PCDH11X: variants seen among roughly 807,000 people sequenced by gnomAD.
PCDH11X encodes the protein protocadherin-11 X-linked.
PCDH11X carries 18 observed loss-of-function variants against 53.3 expected under a neutral mutation model. The observed-to-expected ratio is 0.34, with a 90% CI of 0.23 to 0.50. PCDH11X has a LOEUF of 0.50. Among genes scored for constraint, PCDH11X ranks in the 20% least tolerant of loss-of-function variants. The pLI, the probability that PCDH11X is intolerant of heterozygous loss-of-function variation, is 0.98. For missense variants in PCDH11X, 570 were observed against 1,032.4 expected (o/e 0.55, Z 6.14); for synonymous variants, 279 against 393.3 (o/e 0.71, Z 3.44).
intron 6 of PCDH11X, among the ~76,000 whole-genome samples, chrX:91,922,506 G>A (rs1340750533): frequency 2.7e-5 from 3 of 111,872 alleles, no homozygotes; most frequent in Non-Finnish European, 5.6e-5. Flanking sequence ...CAGGAGGTCA[G>A]TGGCGGGCAA....
chrX:92,064,212 T>C (rs2063569323), intron 6 of PCDH11X, among the ~76,000 whole-genome samples: 1 of 106,272 alleles, frequency 9.4e-6, no homozygotes, highest in African/African-American at 3.4e-5. Flanking sequence ...GATGGCAGCA[T>C]GGGTGGGTCA....
chrX:92,520,856 C>T (rs2074358962), intron 10 of PCDH11X, among the ~76,000 whole-genome samples: 1 of 111,383 alleles, frequency 9.0e-6, no homozygotes, highest in African/African-American at 3.3e-5. Context: ...GTAGTAGTTT[C>T]TATGTCAAGA....
At chrX:91,914,883 G>A (rs1941500905) in intron 6 of PCDH11X, among the ~76,000 whole-genome samples, 1 of 111,378 alleles carries the variant, frequency 9.0e-6, no homozygotes. Flanking sequence ...CCAAATACAA[G>A]AAGCTCAAAG....
intron 10 of PCDH11X, among the ~76,000 whole-genome samples, chrX:92,484,183 A>ATATATATG (rs1556444294): frequency 2.4e-4 from 8 of 32,975 alleles, no homozygotes; most frequent in Non-Finnish European, 4.7e-4. Flanking sequence ...ATATGTATGT[A>ATATATATG]TATATATGTA....
At chrX:92,326,622 CTATA>C (rs1160866218) in intron 8 of PCDH11X, among the ~76,000 whole-genome samples, 6 of 45,803 alleles carry the variant, frequency 1.3e-4, no homozygotes, top group Non-Finnish European at 1.6e-4. Flanking sequence ...TTTTAATAAA[CTATA>C]TATATATATA....
At chrX:92,007,500 A>G (rs898865560) in intron 6 of PCDH11X, among the ~76,000 whole-genome samples, 3 of 111,195 alleles carry the variant, frequency 2.7e-5, no homozygotes, top group Non-Finnish European at 5.7e-5. Context: ...CTCACCCTTC[A>G]GGGCAATGGC....
intron 8 of PCDH11X, among the ~76,000 whole-genome samples, chrX:92,340,829 C>A (rs1230147193): frequency 3.6e-5 from 4 of 112,093 alleles, no homozygotes; most frequent in African/African-American, 1.3e-4. Context: ...ATACAAATCT[C>A]TCTGGCAAGT....
intron 1 of PCDH11X, among the ~76,000 whole-genome samples, chrX:91,790,215 T>G (rs1388205030): frequency 8.9e-6 from 1 of 112,616 alleles, no homozygotes; most frequent in Non-Finnish European, 1.9e-5. Flanking sequence ...CTATATTGGT[T>G]GAAACTGTAG....
chrX:91,972,897 A>G (rs928008965), intron 6 of PCDH11X, among the ~76,000 whole-genome samples: 11 of 111,256 alleles, frequency 9.9e-5, no homozygotes, highest in Non-Finnish European at 2.1e-4. Flanking sequence ...TCATGGATCT[A>G]GAACTAGAAA....
chrX:92,108,293 A>C (rs1023007703), intron 6 of PCDH11X, among the ~76,000 whole-genome samples: 6 of 112,179 alleles, frequency 5.3e-5, no homozygotes, highest in African/African-American at 1.9e-4. Flanking sequence ...TTCACTCAGG[A>C]GAATTTAACA....
chrX:92,157,001 C>A (rs1037264090), intron 6 of PCDH11X, among the ~76,000 whole-genome samples: 1 of 111,869 alleles, frequency 8.9e-6, no homozygotes, highest in African/African-American at 3.2e-5. Context: ...TGTAGCAAAT[C>A]CATTACCACT....
At chrX:92,272,449 ATT>A (rs1341529212) in intron 8 of PCDH11X, among the ~76,000 whole-genome samples, 2 of 111,903 alleles carry the variant, frequency 1.8e-5, no homozygotes, top group African/African-American at 6.5e-5. Context: ...TTACCAAAGG[ATT>A]TTAAATATAC....
intron 5 of PCDH11X, among the ~76,000 whole-genome samples, chrX:91,841,773 T>C (rs1229458097): frequency 9.6e-6 from 1 of 103,995 alleles, no homozygotes; most frequent in Non-Finnish European, 2.0e-5. Context: ...ATTATTCTTT[T>C]TGTCTACACT....
chrX:92,292,645 T>C (rs1391504078), intron 8 of PCDH11X, among the ~76,000 whole-genome samples: 1 of 111,549 alleles, frequency 9.0e-6, no homozygotes, highest in Non-Finnish European at 1.9e-5. Flanking sequence ...TACCTTTTGC[T>C]ATGTAATCTT....
chrX:92,112,928 C>G lies in PCDH11X; in HGVS notation c.3034-88447C>G, dbSNP rs189212143. ...CCAGTGCTAGATTATATTTAAAACA[C>G]TTAGTTTATTGATTAACTTCCCTGA... On this transcript the variant is annotated intron_variant, in intron 6 of 10. Transcript: ENST00000682573. 9.0e-3 allele frequency among the ~76,000 whole-genome samples: 983 copies of G among 109,450 alleles called. 70 individuals are homozygous for G. The highest frequency in any genetic ancestry group is 0.033 in the African/African-American group (942 of 28,828).
chrX:91,874,513 T>A (rs113341424), intron 5 of PCDH11X, among the ~76,000 whole-genome samples: 1 of 110,136 alleles, frequency 9.1e-6, no homozygotes. Context: ...TCTTGTGAAA[T>A]TTTTTTTTAA....
chrX:92,104,380 AAAG>A (rs1237766697), intron 6 of PCDH11X, among the ~76,000 whole-genome samples: 3 of 110,507 alleles, frequency 2.7e-5, no homozygotes, highest in Non-Finnish European at 3.8e-5. Context: ...GGAGGGAAAG[AAAG>A]AAGATTTGGG....
chrX:91,809,276 C>A (rs773851706), intron 1 of PCDH11X, among the ~76,000 whole-genome samples, 190 bp from the exon 2 acceptor site: 1 of 111,038 alleles, frequency 9.0e-6, no homozygotes, highest in South Asian at 3.8e-4. Context: ...TTATCAAAAA[C>A]ATTTAAAGAG....
chrX:92,406,309 C>T (rs1413530754), intron 9 of PCDH11X, among the ~76,000 whole-genome samples: 5 of 106,666 alleles, frequency 4.7e-5, no homozygotes, highest in Admixed American at 3.1e-4. Flanking sequence ...ATTATTTTAG[C>T]GGTGGCATGG....
Sources: allele counts gnomAD v4.1 joint callset (sites outside exome capture counted in the v4.1 genomes callset), GRCh38; gene constraint gnomAD v4.1.1; transcripts MANE v1.5; gene names NCBI Gene and HGNC (gene_info 2026-07-23, HGNC 2026-07-21).